The following BCAT1 variants were observed in gnomAD, a reference collection of about 807,000 sequenced individuals.
The protein encoded by BCAT1 is branched-chain-amino-acid aminotransferase, cytosolic.
In BCAT1, 48 loss-of-function variants were observed where a neutral mutation model predicts 52.4. The ratio of observed to expected loss-of-function variants is 0.92; its 90% CI spans 0.73 to 1.16. The LOEUF is 1.16. Ranked by LOEUF, BCAT1 falls within the 50% of genes most tolerant of loss-of-function variation. The pLI is 0.00. For synonymous variants in BCAT1, 167 were observed against 161.3 expected, an observed-to-expected ratio of 1.04 and a Z score of -0.27; for missense variants, 451 against 457.1, an observed-to-expected ratio of 0.99 and a Z score of 0.12.
chr12:24,843,931 G>T (rs1307654195), intron 6 of BCAT1, among the ~76,000 whole-genome samples: 1 of 152,060 alleles, frequency 6.6e-6, no homozygotes, highest in Non-Finnish European at 1.5e-5. Flanking sequence ...TGTAAAACTG[G>T]GGTCGGCTGT....
intron 1 of BCAT1, among the ~76,000 whole-genome samples, chr12:24,927,178 G>C (rs769557481): frequency 6.6e-6 from 1 of 152,078 alleles, no homozygotes; most frequent in African/African-American, 2.4e-5. Flanking sequence ...CAAGTTATAA[G>C]ATGTCTGTAA....
At chr12:24,892,593 C>T (rs1942873631) in intron 3 of BCAT1, among the ~76,000 whole-genome samples, 2 of 152,218 alleles carry the variant, frequency 1.3e-5, no homozygotes, top group South Asian at 2.1e-4. Flanking sequence ...TGGCTCATGG[C>T]TGTCATCCCA....
chr12:24,927,356 G>A (rs1943606599), intron 1 of BCAT1, among the ~76,000 whole-genome samples: 1 of 151,980 alleles, frequency 6.6e-6, no homozygotes, highest in South Asian at 2.1e-4. Context: ...TTATAAGAGA[G>A]AAACAGAAGA....
At chr12:24,873,155 C>G (rs1942230415) in intron 5 of BCAT1, among the ~76,000 whole-genome samples, 1 of 152,218 alleles carries the variant, frequency 6.6e-6, no homozygotes, top group Non-Finnish European at 1.5e-5. Flanking sequence ...TTGAACATGA[C>G]AGTCATATAA....
At chr12:24,941,086 C>G (rs1406469813) in intron 1 of BCAT1, among the ~76,000 whole-genome samples, 1 of 152,220 alleles carries the variant, frequency 6.6e-6, no homozygotes, top group African/African-American at 2.4e-5. Flanking sequence ...AAGGATGTTT[C>G]CCTTTGCATA....
At chr12:24,826,745 AAATT>A (rs1490537174) in intron 10 of BCAT1, among the ~76,000 whole-genome samples, 1 of 152,188 alleles carries the variant, frequency 6.6e-6, no homozygotes, top group Non-Finnish European at 1.5e-5. Flanking sequence ...CATTTTAACA[AAATT>A]AATTCTTCCA....
intron 1 of BCAT1, among the ~76,000 whole-genome samples, chr12:24,936,924 T>C (rs1240058581): frequency 1.3e-5 from 2 of 152,098 alleles, no homozygotes; most frequent in Non-Finnish European, 2.9e-5. Flanking sequence ...GCAAAATCCC[T>C]TTTACCATGA....
In BCAT1 at chr12:24,814,351, C is replaced by A; in HGVS notation, c.*3657G>T. The A allele has an allele frequency of 6.7e-6, 1 of 150,046 alleles. No homozygotes were observed. The highest frequency in any genetic ancestry group is 2.5e-5 in the African/African-American group (1 of 40,656). 9.3% of individuals were successfully genotyped at this position (150,046 alleles called of 1,614,324 possible). A position where few individuals can be genotyped will look rare whatever the true frequency, so the allele number is the denominator to read the frequency against. On this transcript the variant is annotated 3_prime_UTR_variant, in exon 11 of 11. Transcript: ENST00000261192. Reference sequence around the variant, plus strand: ...GAAACTATCACTCTTTGAAAGTGAACAAACAATGTTTTCTGCTGAAAATTC... The same window carrying A: ...GAAACTATCACTCTTTGAAAGTGAAAAAACAATGTTTTCTGCTGAAAATTC...
intron 1 of BCAT1, among the ~76,000 whole-genome samples, chr12:24,941,834 G>A (rs1943853530): frequency 6.6e-6 from 1 of 152,186 alleles, no homozygotes; most frequent in African/African-American, 2.4e-5. Context: ...CAAGGTGTCT[G>A]GGGAGTGGGC....
chr12:24,887,403 C>T lies in BCAT1; in HGVS notation c.280-5992G>A, dbSNP rs1041428108. Among the ~76,000 whole-genome samples the T allele has an allele frequency of 7.9e-5, 12 of 152,176 alleles. No homozygotes were observed. The South Asian group carries it at 2.1e-3, about 26-fold the overall frequency. On this transcript the variant is annotated intron_variant, in intron 3 of 10. Coordinates refer to ENST00000261192, the MANE Select transcript of BCAT1 (RefSeq NM_005504.7). ...GCTCAAACAATAAGGGGTATTCACA[C>T]GTGTGCAAGCACACACACACACATG...
At chr12:24,879,704 A>G (rs970145495) in intron 4 of BCAT1, among the ~76,000 whole-genome samples, 2 of 152,206 alleles carry the variant, frequency 1.3e-5, no homozygotes, top group Non-Finnish European at 2.9e-5. Context: ...AGGAATAAAA[A>G]CACCTGGATC....
chr12:24,935,646 AC>A (rs1487318533), intron 1 of BCAT1, among the ~76,000 whole-genome samples: 1 of 152,152 alleles, frequency 6.6e-6, no homozygotes, highest in Admixed American at 6.5e-5. Flanking sequence ...CTTTTTCTTA[AC>A]AGTTCCTACC....
intron 2 of BCAT1, among the ~76,000 whole-genome samples, chr12:24,899,783 A>C (rs12823840): frequency 0.032 from 4,817 of 151,976 alleles, 119 homozygotes; most frequent in Middle Eastern, 0.065. Context: ...CACAGAAAAA[A>C]AAAAAAACCC....
intron 1 of BCAT1, chr12:24,902,632 C>A (rs1192395467): frequency 1.6e-5 from 7 of 449,528 alleles, no homozygotes; most frequent in Non-Finnish European, 2.6e-5. Flanking sequence ...CAGCTCCCGC[C>A]TCCTCCCTCA....
intron 10 of BCAT1, among the ~76,000 whole-genome samples, chr12:24,823,034 C>T (rs1598096994): frequency 7.1e-6 from 1 of 141,476 alleles, no homozygotes. Context: ...TTTGTTTTGA[C>T]TTTTTTTTTT....
At chr12:24,931,974 G>A (rs1456557528) in intron 1 of BCAT1, among the ~76,000 whole-genome samples, 1 of 152,008 alleles carries the variant, frequency 6.6e-6, no homozygotes, top group Non-Finnish European at 1.5e-5. Context: ...AAAGAGTACA[G>A]AGACAAAAAA....
chr12:24,921,649 C>A (rs919269918), intron 1 of BCAT1, among the ~76,000 whole-genome samples: 2 of 152,148 alleles, frequency 1.3e-5, no homozygotes, highest in Admixed American at 1.3e-4. Context: ...CTTAATAAAA[C>A]ATTCAGGAAT....
chr12:24,835,225 G>A (rs927682514), intron 8 of BCAT1, among the ~76,000 whole-genome samples: 15 of 152,270 alleles, frequency 9.9e-5, no homozygotes, highest in East Asian at 1.9e-4. Context: ...TGCCCAATGC[G>A]CCAGCCAGCA....
intron 1 of BCAT1, among the ~76,000 whole-genome samples, chr12:24,916,725 G>A (rs1018305257): frequency 1.3e-5 from 2 of 152,094 alleles, no homozygotes; most frequent in African/African-American, 2.4e-5. Flanking sequence ...AGTTTTAGTA[G>A]AGACGGGGTT....
Sources: allele counts gnomAD v4.1 joint callset (sites outside exome capture counted in the v4.1 genomes callset), GRCh38; gene constraint gnomAD v4.1.1; transcripts MANE v1.5; gene names NCBI Gene and HGNC (gene_info 2026-07-23, HGNC 2026-07-21).